PCDH11Y: variants seen among roughly 807,000 people sequenced by gnomAD.
The protein encoded by PCDH11Y is protocadherin 11 Y-linked, also known as protocadherin-11 Y-linked.
For synonymous variants in PCDH11Y, 9 were observed against 83.6 expected, an observed-to-expected ratio of 0.11 and a Z score of 4.87; for missense variants, 12 against 224.8, an observed-to-expected ratio of 0.05 and a Z score of 6.05.
At chrY:5,246,098 C>T (rs777368297) in intron 2 of PCDH11Y, among the ~76,000 whole-genome samples, 2,080 of 29,869 alleles carry the variant, frequency 0.07, no homozygotes, top group Non-Finnish European at 0.11. Context: ...ACCAAACCTA[C>T]GATTGATTGG....
At chrY:5,338,702 A>G in intron 2 of PCDH11Y, 1 of 346,447 alleles carries the variant, frequency 2.9e-6, no homozygotes, top group Non-Finnish European at 4.2e-6. Context: ...CAGAATCGAT[A>G]TGGCAAATGT....
At chrY:5,408,244 T>C (rs2053242923) in intron 2 of PCDH11Y, among the ~76,000 whole-genome samples, 1 of 32,659 alleles carries the variant, frequency 3.1e-5, no homozygotes, top group Non-Finnish European at 7.5e-5. Context: ...AAGTAAAAAT[T>C]AGTTAATAAT....
At chrY:5,223,631 T>A (rs2124652796) in intron 2 of PCDH11Y, among the ~76,000 whole-genome samples, 2 of 31,605 alleles carry the variant, frequency 6.3e-5, no homozygotes, top group Admixed American at 6.0e-4. Context: ...ATTTTTAAAT[T>A]TTTTTTGTAA....
chrY:5,590,743 G>A (rs2053460560), intron 4 of PCDH11Y, among the ~76,000 whole-genome samples: 1 of 36,650 alleles, frequency 2.7e-5, no homozygotes, highest in South Asian at 5.6e-4. Context: ...TCCACTTCGT[G>A]CTCTACTCCA....
At chrY:5,539,884 C>A (rs2124692718) in intron 3 of PCDH11Y, among the ~76,000 whole-genome samples, 5 of 32,378 alleles carry the variant, frequency 1.5e-4, no homozygotes, top group African/African-American at 5.9e-4. Context: ...TCAAAAGCGA[C>A]CTTGGAGTTG....
At chrY:5,427,052 A>G (rs2053264070) in intron 2 of PCDH11Y, among the ~76,000 whole-genome samples, 1 of 32,839 alleles carries the variant, frequency 3.0e-5, no homozygotes, top group Non-Finnish European at 7.5e-5. Context: ...TAAACTATGT[A>G]CCCTGAATGA....
chrY:5,547,435 A>G lies in PCDH11Y; in HGVS notation c.3329-34340A>G. Among the ~76,000 whole-genome samples the G allele has an allele frequency of 9.1e-5, 3 of 33,040 alleles. No individual in the cohort carries two copies. In the East Asian group the frequency reaches 2.4e-3, roughly 26 times the overall value. The allele number at this position is 33,040 out of a possible 37,273, so 88.6% of individuals were successfully genotyped here. ...AAATGAACTATCTTTCATAACTATCAAACATATTTTTCACTAATCTTAGTA... is the reference window on the plus strand; with the variant it reads ...AAATGAACTATCTTTCATAACTATCGAACATATTTTTCACTAATCTTAGTA... On this transcript the variant is annotated intron_variant, in intron 3 of 4. Coordinates refer to the PCDH11Y transcript ENST00000400457.
chrY:5,356,692 C>A, intron 2 of PCDH11Y, among the ~76,000 whole-genome samples: 5 of 27,099 alleles, frequency 1.8e-4, no homozygotes, highest in Admixed American at 7.1e-4. Flanking sequence ...GCCTGGCCAA[C>A]ATGGTGAAAC....
intron 2 of PCDH11Y, among the ~76,000 whole-genome samples, chrY:5,417,224 A>G: frequency 3.2e-5 from 1 of 31,303 alleles, no homozygotes; most frequent in East Asian, 8.3e-4. Flanking sequence ...TTGATAATGG[A>G]ACAATATTTT....
At chrY:5,203,704 T>C (rs2124650149) in intron 2 of PCDH11Y, among the ~76,000 whole-genome samples, 1 of 28,609 alleles carries the variant, frequency 3.5e-5, no homozygotes, top group East Asian at 1.0e-3. Flanking sequence ...CAGTTGTGAA[T>C]AGATAACCAT....
chrY:5,214,897 C>T, intron 2 of PCDH11Y, among the ~76,000 whole-genome samples: 1 of 31,164 alleles, frequency 3.2e-5, no homozygotes, highest in South Asian at 7.2e-4. Context: ...TTTGCAGAAA[C>T]TTTCTATTTT....
chrY:5,419,496 G>C, intron 2 of PCDH11Y, among the ~76,000 whole-genome samples: 1 of 33,306 alleles, frequency 3.0e-5, no homozygotes, highest in African/African-American at 1.2e-4. Context: ...ACTAGTCTAC[G>C]AGGACTGCCA....
chrY:5,136,976 C>G, intron 2 of PCDH11Y, among the ~76,000 whole-genome samples: 1 of 32,819 alleles, frequency 3.0e-5, no homozygotes, highest in Admixed American at 2.8e-4. Flanking sequence ...GCTCAAAGAA[C>G]ACCTGGGAAA....
chrY:5,060,224 T>C (rs2052671503), intron 1 of PCDH11Y, among the ~76,000 whole-genome samples: 1 of 32,396 alleles, frequency 3.1e-5, no homozygotes, highest in East Asian at 8.1e-4. Flanking sequence ...AAAATGTATA[T>C]GAATAGTTCA....
chrY:5,455,136 C>T, intron 2 of PCDH11Y, among the ~76,000 whole-genome samples: 2 of 33,629 alleles, frequency 5.9e-5, no homozygotes, highest in Non-Finnish European at 1.5e-4. Flanking sequence ...TGGACACTTG[C>T]TGCTAGAATT....
intron 2 of PCDH11Y, among the ~76,000 whole-genome samples, chrY:5,426,013 A>G (rs2124679997): frequency 3.0e-5 from 1 of 33,095 alleles, no homozygotes; most frequent in South Asian, 6.6e-4. Context: ...TAATTTTAAC[A>G]TGGGACATTC....
At chrY:5,186,245 A>T in intron 2 of PCDH11Y, among the ~76,000 whole-genome samples, 1 of 32,944 alleles carries the variant, frequency 3.0e-5, no homozygotes, top group Non-Finnish European at 7.4e-5. Context: ...GAATGAATAA[A>T]CGAATTCAGT....
At chrY:5,670,517 G>C in intron 4 of PCDH11Y, among the ~76,000 whole-genome samples, 1 of 33,056 alleles carries the variant, frequency 3.0e-5, no homozygotes. Context: ...TGGGTTGAGA[G>C]GATATCTCAT....
intron 3 of PCDH11Y, among the ~76,000 whole-genome samples, chrY:5,530,540 A>C: frequency 3.0e-5 from 1 of 32,949 alleles, no homozygotes; most frequent in Non-Finnish European, 7.6e-5. Flanking sequence ...AAACGCAGTC[A>C]GTATTAGAAC....
Sources: gnomAD v4.1 joint callset for allele counts (sites outside exome capture counted in the v4.1 genomes callset) on GRCh38, gnomAD v4.1.1 for gene constraint, MANE v1.5 for transcripts, NCBI Gene and HGNC (gene_info 2026-07-23, HGNC 2026-07-21) for gene names.